PARK7: variants seen among roughly 807,000 people sequenced by gnomAD.
The protein encoded by PARK7 is Parkinson disease protein 7.
Under a neutral mutation model 20.5 loss-of-function variants are expected in PARK7, and 14 were observed. That is an observed-to-expected ratio of 0.68 (90% CI 0.45 to 1.07). The LOEUF (loss-of-function observed/expected upper bound fraction) is 1.07. Among genes scored for constraint, PARK7 ranks in the 50% least tolerant of loss-of-function variants. PARK7 has a pLI of 0.00. For synonymous variants in PARK7, 98 were observed against 84.3 expected (o/e 1.16, Z -0.89); for missense variants, 234 against 238.1 (o/e 0.98, Z 0.11).
intron 6 of PARK7, among the ~76,000 whole-genome samples, chr1:7,980,266 C>T (rs374155427): frequency 3.3e-5 from 5 of 151,946 alleles, no homozygotes; most frequent in East Asian, 1.9e-4. Flanking sequence ...GATTTTAGAG[C>T]GTTGAAAGAA....
At chr1:7,981,660 G>GTT (rs1245140194) in intron 6 of PARK7, among the ~76,000 whole-genome samples, 32,082 of 136,346 alleles carry the variant, frequency 0.24, 4,852 homozygotes, top group Non-Finnish European at 0.33. Flanking sequence ...TGTGTCTTTT[G>GTT]TTTTTTTTTT....
In PARK7 at chr1:7,962,689, A is replaced by C; in HGVS notation, c.-23-74A>C. The stretch of plus-strand genomic sequence containing the variant: ...ACTTACTCTGCTTGAAAATGCTCCT[A>C]AACTTTAAATTTTGGGGTATCTCAG... On this transcript the variant is annotated intron_variant, in intron 1 of 6. Transcript: ENST00000338639. 4.1e-6 allele frequency: 4 copies of C among 967,880 alleles called. 1 individual carries two copies. Among genetic ancestry groups the C allele is most frequent in the Middle Eastern group, 3.2e-4 (1 of 3,138 alleles). The allele number at this position is 967,880 out of a possible 1,614,324, so 60.0% of individuals were successfully genotyped here.
intron 2 of PARK7, among the ~76,000 whole-genome samples, chr1:7,963,214 CCA>C (rs1640246963): frequency 6.6e-6 from 1 of 151,952 alleles, no homozygotes; most frequent in Admixed American, 6.6e-5. Context: ...CAGATGCGTG[CCA>C]CCACACCTGG....
At chr1:7,982,334 T>A (rs1236598108) in intron 6 of PARK7, among the ~76,000 whole-genome samples, 3 of 151,722 alleles carry the variant, frequency 2.0e-5, no homozygotes, top group Admixed American at 1.3e-4. Flanking sequence ...GAGTCTGGTT[T>A]AAAAAAAATA....
At chr1:7,981,573 G>A (rs1222313409) in intron 6 of PARK7, among the ~76,000 whole-genome samples, 2 of 152,098 alleles carry the variant, frequency 1.3e-5, no homozygotes, top group Admixed American at 1.3e-4. Context: ...GTGGCTTTGT[G>A]CCAGTGAAGC....
chr1:7,980,300 C>T (rs749432724), intron 6 of PARK7, among the ~76,000 whole-genome samples: 2 of 152,096 alleles, frequency 1.3e-5, no homozygotes, highest in Non-Finnish European at 2.9e-5. Context: ...AACTGGGCTC[C>T]CTTTGTGATG....
At chr1:7,978,508 TCAGC>T (rs1419491247) in intron 6 of PARK7, among the ~76,000 whole-genome samples, 2 of 151,684 alleles carry the variant, frequency 1.3e-5, no homozygotes, top group African/African-American at 4.8e-5. Context: ...CTCTCCTGTC[TCAGC>T]CTCCCGAGTA....
Position 7,970,890 on chromosome 1 carries a change from C to T in PARK7, c.253-4C>T, listed in dbSNP as rs753100653. On this transcript the variant is annotated splice_region_variant and splice_polypyrimidine_tract_variant and intron_variant, in intron 4 of 6. Transcript: ENST00000338639. ...TTATGTATTTTTGGTTTTCTTTTCA[C>T]TAGTCTGCTGCTGTGAAGGAGATAC... 4.9e-5 allele frequency: 79 copies of T among 1,613,988 alleles called. 1 individual carries two copies. In the South Asian group the frequency reaches 7.9e-4, roughly 16 times the overall value.
intron 3 of PARK7, among the ~76,000 whole-genome samples, chr1:7,968,757 T>C (rs1471773324): frequency 6.6e-6 from 1 of 152,192 alleles, no homozygotes; most frequent in Non-Finnish European, 1.5e-5. Flanking sequence ...GCTCAGGTAA[T>C]CTTCCTGCCT....
chr1:7,983,260 C>T (rs1640748630), intron 6 of PARK7, among the ~76,000 whole-genome samples: 1 of 152,172 alleles, frequency 6.6e-6, no homozygotes, highest in East Asian at 1.9e-4. Context: ...CGGTGGTGAC[C>T]AGAGCCACCC....
At position 7,984,848 on chromosome 1, in the gene PARK7, T is replaced by C; in HGVS notation, c.410-46T>C. Reference sequence around the variant, plus strand: ...AATTGGTAAGTAATCGTCTTTCTCGTCACATAGCCCATTAGGATGTCACCT... The same window carrying C: ...AATTGGTAAGTAATCGTCTTTCTCGCCACATAGCCCATTAGGATGTCACCT... On this transcript the variant is annotated intron_variant, in intron 6 of 6. Coordinates refer to ENST00000338639, the MANE Select transcript of PARK7 (RefSeq NM_007262.5). This position sits in a 1 kb window ranked among gnomAD's most constrained non-coding sequence, Gnocchi z 4.3. The C allele has an allele frequency of 1.2e-6, 2 of 1,608,460 alleles. No homozygotes were observed. The highest frequency in any genetic ancestry group is 1.7e-6 in the Non-Finnish European group (2 of 1,175,164).
chr1:7,974,564 G>T (rs1640536402), intron 5 of PARK7, among the ~76,000 whole-genome samples: 1 of 151,780 alleles, frequency 6.6e-6, no homozygotes. Flanking sequence ...GGGGGGCAGA[G>T]CTTGCAGTGA....
At chr1:7,969,440 TGGG>T (rs147617838) in intron 4 of PARK7, 36 bp downstream of exon 4, 61 of 790,014 alleles carry the variant, frequency 7.7e-5, no homozygotes, top group Middle Eastern at 2.9e-4. Flanking sequence ...TCAATAAAGC[TGGG>T]GGGGGGGAAA....
In PARK7 at chr1:7,974,842, ATAAGATTCTTTT is replaced by A. The variant is rs1417155706; in HGVS notation, c.323-2808_323-2797del. Among the ~76,000 whole-genome samples the A allele has an allele frequency of 9.1e-4, 135 of 147,668 alleles. 1 individual carries two copies. Among genetic ancestry groups the A allele is most frequent in the African/African-American group, 3.4e-3 (133 of 39,190 alleles). On this transcript the variant is annotated intron_variant, in intron 5 of 6. Coordinates refer to ENST00000338639, the MANE Select transcript of PARK7 (RefSeq NM_007262.5). ...ATCTTTTAAATTGGCAAACAGAAAA[ATAAGATTCTTTT>A]TTTTTTTTTTTTTTGTTGAAATGGG...
At chr1:7,975,800 A>T (rs990840270) in intron 5 of PARK7, among the ~76,000 whole-genome samples, 7 of 152,374 alleles carry the variant, frequency 4.6e-5, no homozygotes, top group Admixed American at 4.6e-4. Flanking sequence ...AAAATGCAAG[A>T]TGATGTAGGA....
intron 5 of PARK7, among the ~76,000 whole-genome samples, chr1:7,973,566 T>C (rs1308021255): frequency 1.3e-5 from 2 of 151,944 alleles, no homozygotes; most frequent in Non-Finnish European, 2.9e-5. Flanking sequence ...ATACAGAAAT[T>C]AGCCAGGCGT....
intron 5 of PARK7, among the ~76,000 whole-genome samples, chr1:7,974,446 G>C (rs1410449609): frequency 6.6e-6 from 1 of 151,872 alleles, no homozygotes; most frequent in African/African-American, 2.4e-5. Context: ...TGGCTAACAC[G>C]GTGAAACCCT....
intron 3 of PARK7, 98 bp downstream of exon 3, chr1:7,965,523 A>AT (rs1190452905): frequency 9.0e-7 from 1 of 1,110,408 alleles, no homozygotes. Context: ...TTAGAAAATT[A>AT]TTTTGCTTGA....
At chr1:7,976,922 G>C (rs569487121) in intron 5 of PARK7, among the ~76,000 whole-genome samples, 31 of 152,142 alleles carry the variant, frequency 2.0e-4, no homozygotes, top group East Asian at 1.7e-3. Context: ...GGGTTCCAGC[G>C]TGTTAGCCAG....
Sources: gnomAD v4.1 joint callset for allele counts (sites outside exome capture counted in the v4.1 genomes callset) on GRCh38, gnomAD v4.1.1 for gene constraint, Gnocchi (gnomAD v3.1) non-coding constraint, MANE v1.5 for transcripts, NCBI Gene and HGNC (gene_info 2026-07-23, HGNC 2026-07-21) for gene names.